TACR1: variants seen among roughly 807,000 people sequenced by gnomAD.
The protein encoded by TACR1 is substance-P receptor.
Under a neutral mutation model 35.8 loss-of-function variants are expected in TACR1, and 25 were observed. The ratio of observed to expected loss-of-function variants is 0.70; its 90% CI spans 0.51 to 0.98. The LOEUF (loss-of-function observed/expected upper bound fraction) is 0.98. Ranked by LOEUF, TACR1 falls within the 50% of genes least tolerant of loss-of-function variation. The pLI, the probability that TACR1 is intolerant of heterozygous loss-of-function variation, is 0.00. For missense variants in TACR1, 478 were observed against 522.9 expected, an observed-to-expected ratio of 0.91 and a Z score of 0.84; for synonymous variants, 195 against 206.7, an observed-to-expected ratio of 0.94 and a Z score of 0.48.
intron 2 of TACR1, among the ~76,000 whole-genome samples, chr2:75,055,723 C>T (rs912265176): frequency 9.9e-5 from 15 of 152,144 alleles, no homozygotes; most frequent in Admixed American, 5.9e-4. Context: ...GTCAACTCGC[C>T]GATACTCCTT....
chr2:75,074,972 T>C (rs545785926), intron 2 of TACR1, among the ~76,000 whole-genome samples: 14 of 152,330 alleles, frequency 9.2e-5, no homozygotes, highest in African/African-American at 3.4e-4. Flanking sequence ...TTGGTCACTT[T>C]AGATGTGGAA....
At chr2:75,126,603 C>T (rs1674076724) in intron 1 of TACR1, among the ~76,000 whole-genome samples, 1 of 152,164 alleles carries the variant, frequency 6.6e-6, no homozygotes, top group Non-Finnish European at 1.5e-5. Context: ...ATTACAAGGA[C>T]ACCAAAAGCA....
chr2:75,069,361 G>GT (rs1267821328), intron 2 of TACR1, among the ~76,000 whole-genome samples: 2 of 151,264 alleles, frequency 1.3e-5, no homozygotes, highest in Non-Finnish European at 2.9e-5. Context: ...AATATAGTGA[G>GT]TTTTAAAAAA....
chr2:75,174,174 G>A (rs1164351950), intron 1 of TACR1, among the ~76,000 whole-genome samples: 2 of 152,106 alleles, frequency 1.3e-5, no homozygotes, highest in East Asian at 3.9e-4. Context: ...TAGTATCATT[G>A]TTATGACATC....
chr2:75,108,080 A>G (rs1299359275), intron 2 of TACR1, among the ~76,000 whole-genome samples: 2 of 152,112 alleles, frequency 1.3e-5, no homozygotes, highest in Non-Finnish European at 2.9e-5. Flanking sequence ...TGTATTATAG[A>G]GTTTCTTTCA....
intron 2 of TACR1, among the ~76,000 whole-genome samples, chr2:75,115,204 A>ATG (rs1673827290): frequency 6.6e-6 from 1 of 151,794 alleles, no homozygotes; most frequent in Non-Finnish European, 1.5e-5. Context: ...TAAAATATAT[A>ATG]TATATGAATG....
At chr2:75,168,920 C>G (rs920372740) in intron 1 of TACR1, among the ~76,000 whole-genome samples, 1 of 151,840 alleles carries the variant, frequency 6.6e-6, no homozygotes, top group Non-Finnish European at 1.5e-5. Context: ...TTTCTATTTT[C>G]CAAAATAAAC....
chr2:75,077,340 T>G (rs549259134), intron 2 of TACR1, among the ~76,000 whole-genome samples: 1 of 152,332 alleles, frequency 6.6e-6, no homozygotes, highest in Non-Finnish European at 1.5e-5. Context: ...TGATTTGAAC[T>G]CAGGTCTTTT....
chr2:75,059,769 G>C (rs752521997), intron 2 of TACR1, among the ~76,000 whole-genome samples: 1 of 152,142 alleles, frequency 6.6e-6, no homozygotes, highest in South Asian at 2.1e-4. Context: ...TGCATTGAGG[G>C]CTTTTGAGGC....
rs1438224982 is a variant in TACR1, at chr2:75,049,538, G to A, written c.1118C>T (p.Pro373Leu). ...GAHEEEPEDG[P>L]KATPSSLDLT... ...GTCCAGGGACGAGGGTGTGGCCTTGGGGCCGTCCTCTGGCTCCTCCTCGTG... is the reference window on the plus strand; with the variant it reads ...GTCCAGGGACGAGGGTGTGGCCTTGAGGCCGTCCTCTGGCTCCTCCTCGTG... The change falls in exon 5 of 5, where the codon CCC becomes CTC. Residue 373 changes from proline to leucine, a missense_variant. Coordinates refer to ENST00000305249, the MANE Select transcript of TACR1 (RefSeq NM_001058.4). The A allele has an allele frequency of 3.7e-6, 6 of 1,614,048 alleles. No individual in the cohort carries two copies. The African/African-American group carries it at 6.7e-5, about 18-fold the overall frequency.
At chr2:75,098,614 G>C (rs1673470025) in intron 2 of TACR1, among the ~76,000 whole-genome samples, 1 of 152,108 alleles carries the variant, frequency 6.6e-6, no homozygotes, top group Non-Finnish European at 1.5e-5. Flanking sequence ...TCTGTTAAGA[G>C]ACTTCCAGGC....
intron 2 of TACR1, among the ~76,000 whole-genome samples, chr2:75,084,765 G>A (rs1673159626): frequency 6.6e-6 from 1 of 152,098 alleles, no homozygotes; most frequent in South Asian, 2.1e-4. Context: ...TGTGGGATTG[G>A]TGGTGATATC....
intron 1 of TACR1, among the ~76,000 whole-genome samples, chr2:75,184,152 A>G (rs4853116): frequency 0.38 from 58,155 of 152,102 alleles, 11,716 homozygotes; most frequent in African/African-American, 0.51. Flanking sequence ...AAGCACAAGA[A>G]CAGGTATTGT....
intron 4 of TACR1, chr2:75,050,893 C>T (rs1471163090): frequency 9.4e-6 from 3 of 320,434 alleles, no homozygotes; most frequent in African/African-American, 4.3e-5. Context: ...TGAATAAACT[C>T]ACAGGCCATG....
chr2:75,115,629 G>A (rs963121124), intron 2 of TACR1, among the ~76,000 whole-genome samples: 6 of 152,078 alleles, frequency 3.9e-5, no homozygotes, highest in African/African-American at 1.4e-4. Context: ...AGAAGAGGCC[G>A]GGCACGGTGG....
At chr2:75,115,459 G>C (rs1452484127) in intron 2 of TACR1, among the ~76,000 whole-genome samples, 1 of 152,112 alleles carries the variant, frequency 6.6e-6, no homozygotes, top group Non-Finnish European at 1.5e-5. Flanking sequence ...GTCTATTTTT[G>C]AGATTTTATG....
Position 75,178,869 on chromosome 2 carries a change from C to T in TACR1, c.389+19677G>A, listed in dbSNP as rs1160476632. On this transcript the variant is annotated intron_variant, in intron 1 of 4. Transcript: ENST00000305249. ...GTCATATTTGCCAGTTCCATCTCATCGTCCTGATTTTCTAAATTTAGAGTT... is the reference window on the plus strand; with the variant it reads ...GTCATATTTGCCAGTTCCATCTCATTGTCCTGATTTTCTAAATTTAGAGTT... Among the ~76,000 whole-genome samples the T allele has an allele frequency of 4.6e-5, 7 of 152,194 alleles. No homozygotes were observed. The East Asian group carries it at 5.8e-4, about 13-fold the overall frequency.
intron 2 of TACR1, among the ~76,000 whole-genome samples, chr2:75,075,987 TAGA>T (rs1672969435): frequency 6.6e-6 from 1 of 152,228 alleles, no homozygotes; most frequent in Non-Finnish European, 1.5e-5. Flanking sequence ...ACAGAATTAA[TAGA>T]AGAATTGGAC....
chr2:75,110,531 T>A (rs1415133651), intron 2 of TACR1, among the ~76,000 whole-genome samples: 1 of 152,008 alleles, frequency 6.6e-6, no homozygotes, highest in African/African-American at 2.4e-5. Flanking sequence ...AATCCATAAG[T>A]GCATGAATAT....
Sources: allele counts gnomAD v4.1 joint callset (sites outside exome capture counted in the v4.1 genomes callset), GRCh38; gene constraint gnomAD v4.1.1; transcripts MANE v1.5; gene names NCBI Gene and HGNC (gene_info 2026-07-23, HGNC 2026-07-21).